Variants in KCNU1 observed in about 807,000 individuals in gnomAD.
KCNU1 encodes the protein potassium channel subfamily U member 1.
In KCNU1, 93 loss-of-function variants were observed where a neutral mutation model predicts 126.8. The observed-to-expected ratio is 0.73, with a 90% CI of 0.62 to 0.87. The LOEUF (loss-of-function observed/expected upper bound fraction) is 0.87, where lower values mean the gene tolerates loss of function less well. Among genes scored for constraint, KCNU1 ranks in the 40% least tolerant of loss-of-function variants. The pLI, the probability that KCNU1 is intolerant of heterozygous loss-of-function variation, is 0.00. For missense variants in KCNU1, 1,330 were observed against 1,367.1 expected, an observed-to-expected ratio of 0.97 and a Z score of 0.43; for synonymous variants, 523 against 494.2, an observed-to-expected ratio of 1.06 and a Z score of -0.77.
In KCNU1 at chr8:36,911,039, A is replaced by C. The variant is rs754032261; in HGVS notation, c.2441A>C (p.Asp814Ala). 1.9e-6 allele frequency: 3 copies of C among 1,613,714 alleles called. No individual in the cohort carries two copies. The highest frequency in any genetic ancestry group is 1.7e-5 in the Admixed American group (1 of 59,988). Residue 814 changes from aspartate (D) to alanine (A), a missense_variant, in exon 22 of 27, where the codon GAC (aspartate) becomes GCC (alanine). Around this residue, in one of 3 missense-constraint regions of KCNU1, gnomAD observed 1,054 missense variants for 1,053.9 expected, o/e 1.00. Transcript: ENST00000399881. ...CCATCAAGCAACCAGACTTTGGTAG[A>C]CACAGAAGCCATCATGGCAACCCTC... The part of the protein sequence containing the change: ...PQPSSNQTLV[D>A]TEAIMATLTI...
intron 11 of KCNU1, 105 bp downstream of exon 11, chr8:36,833,764 T>A: frequency 1.6e-6 from 1 of 637,026 alleles, no homozygotes. Flanking sequence ...GCTTCTTTAA[T>A]TGGTGGAAAA....
In KCNU1 at chr8:36,814,278, C is replaced by T. The variant is rs748813690; in HGVS notation, c.804C>T (p.Tyr268=). 4.3e-6 allele frequency: 7 copies of T among 1,613,022 alleles called. No homozygotes were observed. Among genetic ancestry groups the T allele is most frequent in the Non-Finnish European group, 5.9e-6 (7 of 1,179,304 alleles). Reference sequence around the variant, plus strand: ...ATATATCATATTTTGAGTCAATTTACCTGGTCATGGCAACAACGTCAACCG... The same window carrying T: ...ATATATCATATTTTGAGTCAATTTATCTGGTCATGGCAACAACGTCAACCG... The part of the protein sequence containing the change: ...SQNISYFESI[Y]LVMATTSTVG... The change falls in exon 8 of 27, where the codon TAC becomes TAT. Residue 268 remains tyrosine (Y), a synonymous_variant. Coordinates refer to ENST00000399881, the MANE Select transcript of KCNU1 (RefSeq NM_001031836.3).
At chr8:36,801,581 G>GA (rs1026320356) in intron 2 of KCNU1, among the ~76,000 whole-genome samples, 30 of 151,706 alleles carry the variant, frequency 2.0e-4, no homozygotes, top group Non-Finnish European at 4.1e-4. Flanking sequence ...TTTCATAAGA[G>GA]AAAAAATGTA....
chr8:36,873,126 A>G (rs1487607979), intron 19 of KCNU1, among the ~76,000 whole-genome samples: 1 of 152,150 alleles, frequency 6.6e-6, no homozygotes, highest in African/African-American at 2.4e-5. Context: ...CCAACAATTT[A>G]CATCCTGTGG....
chr8:36,798,850 C>T (rs1173575703), intron 2 of KCNU1, among the ~76,000 whole-genome samples: 1 of 152,176 alleles, frequency 6.6e-6, no homozygotes, highest in Non-Finnish European at 1.5e-5. Flanking sequence ...CTCTGACCAC[C>T]TTGGGCACAT....
intron 18 of KCNU1, among the ~76,000 whole-genome samples, chr8:36,850,620 C>G (rs773757400): frequency 6.6e-6 from 1 of 152,124 alleles, no homozygotes; most frequent in Non-Finnish European, 1.5e-5. Flanking sequence ...CTATGCCCAG[C>G]TAATTCCTGC....
At chr8:36,845,046 C>T (rs1035476487) in intron 16 of KCNU1, among the ~76,000 whole-genome samples, 1 of 152,080 alleles carries the variant, frequency 6.6e-6, no homozygotes, top group African/African-American at 2.4e-5. Flanking sequence ...CACATGCTGT[C>T]AAAAATCTGG....
At chr8:36,876,062 G>A (rs1007777781) in intron 19 of KCNU1, among the ~76,000 whole-genome samples, 3 of 152,066 alleles carry the variant, frequency 2.0e-5, no homozygotes, top group Non-Finnish European at 4.4e-5. Context: ...GGATTTTTAG[G>A]GCCAGGTCAA....
At chr8:36,786,341 T>A (rs1272239570) in intron 1 of KCNU1, among the ~76,000 whole-genome samples, 1 of 152,212 alleles carries the variant, frequency 6.6e-6, no homozygotes, top group Non-Finnish European at 1.5e-5. Context: ...TAGGATTTTT[T>A]AAAATTAATT....
At chr8:36,828,727 G>C (rs745306148) in intron 10 of KCNU1, among the ~76,000 whole-genome samples, 3 of 152,008 alleles carry the variant, frequency 2.0e-5, no homozygotes, top group Non-Finnish European at 4.4e-5. Context: ...GCTCCTGGTG[G>C]ACACATGAAA....
At chr8:36,837,101 A>C (rs1467616602) in intron 14 of KCNU1, among the ~76,000 whole-genome samples, 156 bp downstream of exon 14, 2 of 152,122 alleles carry the variant, frequency 1.3e-5, no homozygotes, top group Non-Finnish European at 2.9e-5. Flanking sequence ...ATCTGAATTT[A>C]AAAGTCCCAG....
chr8:36,879,881 G>A (rs1400082993), intron 19 of KCNU1, among the ~76,000 whole-genome samples: 1 of 152,120 alleles, frequency 6.6e-6, no homozygotes, highest in Non-Finnish European at 1.5e-5. Context: ...TTTTAATAAG[G>A]CTTGGAAACT....
At chr8:36,820,660 G>A (rs1299833104) in intron 10 of KCNU1, among the ~76,000 whole-genome samples, 2 of 150,590 alleles carry the variant, frequency 1.3e-5, no homozygotes, top group Admixed American at 6.6e-5. Flanking sequence ...GAACTTAGAA[G>A]CAATACAGAA....
chr8:36,864,403 G>A lies in KCNU1; in HGVS notation c.1892-1G>A. The A allele has an allele frequency of 6.4e-7, 1 of 1,552,364 alleles. No individual in the cohort carries two copies. The highest frequency in any genetic ancestry group is 8.9e-7 in the Non-Finnish European group (1 of 1,124,138). ...TCACTGAGATTTCTATCCTATTGCA[G>A]TGCCATCGGTAAAGAGAATGAAAAA... On this transcript the variant is annotated splice_acceptor_variant, in intron 18 of 26. Coordinates refer to ENST00000399881, the MANE Select transcript of KCNU1 (RefSeq NM_001031836.3). LOFTEE classifies it high-confidence loss of function.
intron 19 of KCNU1, among the ~76,000 whole-genome samples, chr8:36,891,382 C>A (rs1246132522): frequency 6.6e-6 from 1 of 151,922 alleles, no homozygotes; most frequent in East Asian, 1.9e-4. Flanking sequence ...ATTATAGGTT[C>A]ATCAACACAA....
At chr8:36,818,628 T>C (rs561798476) in intron 10 of KCNU1, among the ~76,000 whole-genome samples, 1 of 152,224 alleles carries the variant, frequency 6.6e-6, no homozygotes, top group Non-Finnish European at 1.5e-5. Flanking sequence ...TTTTCTCAAA[T>C]GATTCATCGG....
At chr8:36,911,975 A>G (rs1005930945) in intron 22 of KCNU1, among the ~76,000 whole-genome samples, 6 of 152,222 alleles carry the variant, frequency 3.9e-5, no homozygotes, top group African/African-American at 1.2e-4. Flanking sequence ...ATCTAAAAGT[A>G]CTATTACTGA....
At chr8:36,858,119 T>C (rs1189881607) in intron 18 of KCNU1, among the ~76,000 whole-genome samples, 1 of 149,066 alleles carries the variant, frequency 6.7e-6, no homozygotes, top group Admixed American at 6.8e-5. Flanking sequence ...GTCTTAACAT[T>C]ATCTTCTGTG....
At chr8:36,897,173 G>T (rs1187193883) in intron 19 of KCNU1, among the ~76,000 whole-genome samples, 4 of 151,800 alleles carry the variant, frequency 2.6e-5, no homozygotes, top group Non-Finnish European at 5.9e-5. Flanking sequence ...ATTGCCAAAA[G>T]CTGTGTGTGT....
Sources: allele counts gnomAD v4.1 joint callset (sites outside exome capture counted in the v4.1 genomes callset), GRCh38; gene constraint gnomAD v4.1.1; regional missense constraint gnomAD v4.1.1; transcripts MANE v1.5; gene names NCBI Gene and HGNC (gene_info 2026-07-23, HGNC 2026-07-21).